ZCCHC7: variants seen among roughly 807,000 people sequenced by gnomAD.
ZCCHC7 encodes zinc finger CCHC-type containing 7, also known as zinc finger CCHC domain-containing protein 7.
A neutral mutation model predicts 52.0 loss-of-function variants in ZCCHC7; 35 were observed. The observed-to-expected ratio is 0.67, with a 90% CI of 0.51 to 0.89. The LOEUF is 0.89. Among genes scored for constraint, ZCCHC7 ranks in the 40% least tolerant of loss-of-function variants. ZCCHC7 has a pLI of 0.00. For synonymous variants in ZCCHC7, 217 were observed against 221.5 expected (o/e 0.98, Z 0.18); for missense variants, 574 against 649.1 (o/e 0.88, Z 1.26).
At chr9:37,342,171 G>A (rs532947246) in intron 6 of ZCCHC7, among the ~76,000 whole-genome samples, 2 of 152,288 alleles carry the variant, frequency 1.3e-5, no homozygotes, top group Admixed American at 1.3e-4. Flanking sequence ...GTGGAAAGAG[G>A]TGGATGTATT....
At chr9:37,214,771 A>C (rs1278715364) in intron 2 of ZCCHC7, among the ~76,000 whole-genome samples, 1 of 152,020 alleles carries the variant, frequency 6.6e-6, no homozygotes, top group Non-Finnish European at 1.5e-5. Flanking sequence ...AGTGAAAACA[A>C]ATTAAAGGTG....
At chr9:37,147,990 G>C (rs1317921065) in intron 2 of ZCCHC7, among the ~76,000 whole-genome samples, 1 of 151,926 alleles carries the variant, frequency 6.6e-6, no homozygotes, top group Non-Finnish European at 1.5e-5. Flanking sequence ...CTGGTATCCT[G>C]TCAGTAATTG....
intron 2 of ZCCHC7, among the ~76,000 whole-genome samples, chr9:37,189,818 G>A (rs946107799): frequency 6.6e-6 from 1 of 152,310 alleles, no homozygotes; most frequent in African/African-American, 2.4e-5. Flanking sequence ...GAACTGTCCA[G>A]TGTGTGTGCC....
intron 2 of ZCCHC7, among the ~76,000 whole-genome samples, chr9:37,219,731 A>G (rs149280705): frequency 1.0e-3 from 158 of 152,392 alleles, no homozygotes; most frequent in Non-Finnish European, 1.6e-3. Flanking sequence ...TGGTATATTT[A>G]GAATCATGTG....
intron 2 of ZCCHC7, among the ~76,000 whole-genome samples, chr9:37,235,607 T>C (rs1825614859): frequency 7.2e-6 from 1 of 138,820 alleles, no homozygotes; most frequent in Non-Finnish European, 1.5e-5. Context: ...TTTTCTTTTC[T>C]TTCAAGACAA....
intron 7 of ZCCHC7, among the ~76,000 whole-genome samples, chr9:37,351,991 A>G (rs1325454942): frequency 6.6e-6 from 1 of 152,232 alleles, no homozygotes; most frequent in Non-Finnish European, 1.5e-5. Context: ...ACTCTAGATT[A>G]TTTACACTAA....
intron 6 of ZCCHC7, among the ~76,000 whole-genome samples, chr9:37,343,060 C>T (rs114323343): frequency 0.051 from 7,820 of 152,180 alleles, 654 homozygotes; most frequent in African/African-American, 0.18. Flanking sequence ...CATAGCCATA[C>T]ACTTGTATAT....
chr9:37,126,011 C>T (rs1046158522), intron 1 of ZCCHC7, among the ~76,000 whole-genome samples: 6 of 152,170 alleles, frequency 3.9e-5, no homozygotes, highest in African/African-American at 1.4e-4. Context: ...TTGTGAAAAT[C>T]ATCCTATGAA....
chr9:37,201,861 T>C (rs1415640895), intron 2 of ZCCHC7, among the ~76,000 whole-genome samples: 1 of 152,240 alleles, frequency 6.6e-6, no homozygotes, highest in Non-Finnish European at 1.5e-5. Context: ...TCATATTATC[T>C]GCATTGCACT....
intron 2 of ZCCHC7, among the ~76,000 whole-genome samples, chr9:37,215,149 TTGACTG>T (rs1208162143): frequency 6.6e-6 from 1 of 152,142 alleles, no homozygotes; most frequent in African/African-American, 2.4e-5. Context: ...CCAAATGGCT[TTGACTG>T]TGTTAAAGAG....
chr9:37,160,588 A>G (rs1291334998), intron 2 of ZCCHC7, among the ~76,000 whole-genome samples: 1 of 152,080 alleles, frequency 6.6e-6, no homozygotes, highest in Non-Finnish European at 1.5e-5. Flanking sequence ...ATCTAGTTGT[A>G]TGTCACATTT....
chr9:37,178,126 C>T (rs1032807889), intron 2 of ZCCHC7, among the ~76,000 whole-genome samples: 13 of 152,082 alleles, frequency 8.5e-5, no homozygotes, highest in African/African-American at 3.1e-4. Context: ...TGTTCTAACC[C>T]TAAACCTAGC....
Position 37,333,183 on chromosome 9 carries a change from T to C in ZCCHC7, c.987+5349T>C, listed in dbSNP as rs1830517237. Among the ~76,000 whole-genome samples, 10 of 151,798 alleles carry C rather than the reference T, an allele frequency of 6.6e-5. No homozygotes were observed. The South Asian group carries it at 2.1e-3, about 31-fold the overall frequency. The stretch of plus-strand genomic sequence containing the variant: ...GGTAATCCTAATGTAGATTTAAGTG[T>C]TTCAGATAATGAAGCAATGAGAAGT... On this transcript the variant is annotated intron_variant, in intron 6 of 8. Transcript: ENST00000336755.
intron 1 of ZCCHC7, among the ~76,000 whole-genome samples, chr9:37,122,886 G>A (rs187833654): frequency 6.6e-4 from 101 of 152,346 alleles, no homozygotes; most frequent in African/African-American, 1.9e-3. Context: ...GCAGTGAGCC[G>A]AGATTGCGCC....
chr9:37,272,711 G>C (rs1242144167), intron 2 of ZCCHC7, among the ~76,000 whole-genome samples: 1 of 151,884 alleles, frequency 6.6e-6, no homozygotes, highest in Non-Finnish European at 1.5e-5. Flanking sequence ...TACTTTTACT[G>C]TATATTCATG....
chr9:37,357,468 G>A lies in ZCCHC7; in HGVS notation c.*200G>A, dbSNP rs1821782430. 9.8e-6 allele frequency: 4 copies of A among 408,592 alleles called. No individual in the cohort carries two copies. Among genetic ancestry groups the A allele is most frequent in the Non-Finnish European group, 1.7e-5 (4 of 237,250 alleles). 25.3% of individuals were successfully genotyped at this position (408,592 alleles called of 1,614,324 possible). On this transcript the variant is annotated 3_prime_UTR_variant, in exon 9 of 9. Transcript: ENST00000336755. Reference sequence around the variant, plus strand: ...GTCCAACAGGATATTAGGTAAGAAAGTACAAAGATAAACCTGGACTTCTCC... The same window carrying A: ...GTCCAACAGGATATTAGGTAAGAAAATACAAAGATAAACCTGGACTTCTCC...
chr9:37,332,619 A>AT (rs531986596), intron 6 of ZCCHC7, among the ~76,000 whole-genome samples: 15 of 147,510 alleles, frequency 1.0e-4, no homozygotes, highest in South Asian at 4.3e-4. Context: ...AAGTCAACTG[A>AT]TTTTTTTTTT....
intron 2 of ZCCHC7, among the ~76,000 whole-genome samples, chr9:37,205,878 G>A (rs1370893475): frequency 2.0e-5 from 3 of 150,956 alleles, no homozygotes; most frequent in Non-Finnish European, 4.4e-5. Context: ...TTGTGGATTT[G>A]TTGGAGTTTT....
rs1051420022 is a variant in ZCCHC7, at chr9:37,231,645, G to T, written c.611-70543G>T. ...ACATAATTTTGTGGTAGAGGAAGTG[G>T]CTGTTTTTCTCCATTTTTTTTCACC... On this transcript the variant is annotated intron_variant, in intron 2 of 8. Transcript: ENST00000336755. 3.3e-5 allele frequency among the ~76,000 whole-genome samples: 5 copies of T among 152,206 alleles called. 1 individual carries two copies. In the South Asian group the frequency reaches 8.3e-4, roughly 25 times the overall value.
Sources: allele counts gnomAD v4.1 joint callset (sites outside exome capture counted in the v4.1 genomes callset), GRCh38; gene constraint gnomAD v4.1.1; transcripts MANE v1.5; gene names NCBI Gene and HGNC (gene_info 2026-07-23, HGNC 2026-07-21).